The following PTPRM variants were observed in gnomAD, a reference collection of about 807,000 sequenced individuals.
The protein encoded by PTPRM is receptor-type tyrosine-protein phosphatase mu.
In PTPRM, 47 loss-of-function variants were observed where a neutral mutation model predicts 186.7. The ratio of observed to expected loss-of-function variants is 0.25; its 90% CI spans 0.20 to 0.32. PTPRM has a LOEUF of 0.32. PTPRM is among the 10% of genes least tolerant of loss of function. PTPRM has a pLI of 1.00. For missense variants in PTPRM, 1,494 were observed against 1,865.0 expected, an observed-to-expected ratio of 0.80 and a Z score of 3.66; for synonymous variants, 668 against 674.9, an observed-to-expected ratio of 0.99 and a Z score of 0.16.
intron 9 of PTPRM, 98 bp from the exon 10 acceptor site, chr18:8,085,573 G>T: frequency 9.8e-7 from 1 of 1,024,706 alleles, no homozygotes; most frequent in Non-Finnish European, 1.5e-6. Context: ...TTATCATAAA[G>T]TGTCTGACAG....
intron 8 of PTPRM, among the ~76,000 whole-genome samples, chr18:8,074,230 C>A (rs1036280370): frequency 9.2e-5 from 14 of 152,152 alleles, no homozygotes; most frequent in Non-Finnish European, 1.5e-5. Flanking sequence ...CTGCTCATAT[C>A]CTCTCACAAT....
chr18:7,867,561 A>C (rs4531823), intron 2 of PTPRM, among the ~76,000 whole-genome samples: 40,839 of 152,062 alleles, frequency 0.27, 6,416 homozygotes, highest in East Asian at 0.52. Flanking sequence ...TTCTGCTGAG[A>C]GATCTGCTGT....
chr18:7,844,753 G>A (rs2046510123), intron 2 of PTPRM, among the ~76,000 whole-genome samples: 3 of 152,260 alleles, frequency 2.0e-5, no homozygotes. Flanking sequence ...TCTGCCTGTA[G>A]TACTTTTATT....
At chr18:7,619,512 G>A (rs1365879718) in intron 1 of PTPRM, among the ~76,000 whole-genome samples, 3 of 152,122 alleles carry the variant, frequency 2.0e-5, no homozygotes, top group African/African-American at 4.8e-5. Flanking sequence ...AATACAGGAT[G>A]GTGATGATTA....
In PTPRM at chr18:7,684,244, G is replaced by C. The variant is rs2039545061; in HGVS notation, c.74-89905G>C. 3.9e-5 allele frequency among the ~76,000 whole-genome samples: 6 copies of C among 151,912 alleles called. No individual in the cohort carries two copies. In the South Asian group the frequency reaches 1.3e-3, roughly 32 times the overall value. ...GAGCCCAGGGGTTAAAGGTTGCAGG[G>C]AGCTATACACCACTGCACTCTAGCC... On this transcript the variant is annotated intron_variant, in intron 1 of 32. Coordinates refer to ENST00000580170, the MANE Select transcript of PTPRM (RefSeq NM_001105244.2).
chr18:8,242,785 G>A (rs569903921), intron 14 of PTPRM, among the ~76,000 whole-genome samples: 5 of 152,254 alleles, frequency 3.3e-5, no homozygotes, highest in South Asian at 2.1e-4. Context: ...AAGATTATCC[G>A]TATGGTCTTA....
intron 7 of PTPRM, among the ~76,000 whole-genome samples, chr18:8,026,817 C>T (rs933153491): frequency 4.6e-5 from 7 of 151,144 alleles, no homozygotes; most frequent in African/African-American, 1.2e-4. Flanking sequence ...AAGATTGTGC[C>T]ACGGCACTCC....
At chr18:7,620,376 G>A (rs971265231) in intron 1 of PTPRM, among the ~76,000 whole-genome samples, 1 of 152,140 alleles carries the variant, frequency 6.6e-6, no homozygotes, top group African/African-American at 2.4e-5. Flanking sequence ...AACATGGAAA[G>A]CAGCTTCTGT....
chr18:8,005,147 A>G (rs1382081856), intron 7 of PTPRM, among the ~76,000 whole-genome samples: 2 of 152,206 alleles, frequency 1.3e-5, no homozygotes, highest in Non-Finnish European at 2.9e-5. Flanking sequence ...GGTTGCATGG[A>G]AAAATATACT....
chr18:8,339,760 C>A (rs2095463140), intron 22 of PTPRM, among the ~76,000 whole-genome samples: 1 of 151,826 alleles, frequency 6.6e-6, no homozygotes, highest in South Asian at 2.1e-4. Flanking sequence ...TCAGACCCCA[C>A]CAGGAGCTGC....
intron 14 of PTPRM, among the ~76,000 whole-genome samples, chr18:8,159,147 T>C (rs925914604): frequency 3.3e-5 from 5 of 152,216 alleles, no homozygotes; most frequent in African/African-American, 1.2e-4. Context: ...TTAAGAAGGA[T>C]ACAGAGGCGC....
intron 19 of PTPRM, among the ~76,000 whole-genome samples, chr18:8,273,972 C>T (rs2094803783): frequency 6.6e-6 from 1 of 152,184 alleles, no homozygotes; most frequent in Non-Finnish European, 1.5e-5. Flanking sequence ...CCCAGCTCCT[C>T]TGCAATGGGG....
intron 19 of PTPRM, among the ~76,000 whole-genome samples, chr18:8,257,349 C>T (rs957642476): frequency 2.0e-5 from 3 of 152,164 alleles, no homozygotes; most frequent in Non-Finnish European, 4.4e-5. Context: ...AAAAGCACCT[C>T]CTGTGTCACA....
chr18:8,212,298 C>T (rs909731469), intron 14 of PTPRM, among the ~76,000 whole-genome samples: 1 of 152,140 alleles, frequency 6.6e-6, no homozygotes, highest in Admixed American at 6.5e-5. Context: ...CAGTGCCACC[C>T]CAGAGGCGGC....
At chr18:7,746,652 G>A (rs2040994397) in intron 1 of PTPRM, among the ~76,000 whole-genome samples, 1 of 152,052 alleles carries the variant, frequency 6.6e-6, no homozygotes, top group African/African-American at 2.4e-5. Flanking sequence ...TTTTAGTAGA[G>A]ATAGGGTTTC....
At chr18:7,703,238 T>G (rs2040003711) in intron 1 of PTPRM, among the ~76,000 whole-genome samples, 1 of 152,218 alleles carries the variant, frequency 6.6e-6, no homozygotes, top group African/African-American at 2.4e-5. Context: ...CGGATAGCAT[T>G]GAATCTGTAA....
intron 2 of PTPRM, among the ~76,000 whole-genome samples, chr18:7,868,648 G>A (rs990389556): frequency 1.3e-5 from 2 of 152,206 alleles, no homozygotes; most frequent in African/African-American, 2.4e-5. Context: ...CTGCTGGGAG[G>A]TGTCTCCCCA....
At chr18:8,361,684 A>G (rs75096577) in intron 23 of PTPRM, among the ~76,000 whole-genome samples, 3,862 of 152,206 alleles carry the variant, frequency 0.025, 151 homozygotes, top group African/African-American at 0.087. Context: ...TAACAATCAT[A>G]TGGTCTTGTA....
At chr18:7,823,287 A>G (rs941719027) in intron 2 of PTPRM, among the ~76,000 whole-genome samples, 1 of 152,198 alleles carries the variant, frequency 6.6e-6, no homozygotes, top group Non-Finnish European at 1.5e-5. Context: ...CTTCACAAGT[A>G]CAGACTAAGA....
Sources: gnomAD v4.1 joint callset for allele counts (sites outside exome capture counted in the v4.1 genomes callset) on GRCh38, gnomAD v4.1.1 for gene constraint, MANE v1.5 for transcripts, NCBI Gene and HGNC (gene_info 2026-07-23, HGNC 2026-07-21) for gene names.